Variants in ZNF398 observed in about 807,000 individuals in gnomAD.
The protein encoded by ZNF398 is zinc finger DNA binding protein ZER6.
Under a neutral mutation model 41.9 loss-of-function variants are expected in ZNF398, and 18 were observed. That is an observed-to-expected ratio of 0.43 (90% CI 0.30 to 0.64). The LOEUF (loss-of-function observed/expected upper bound fraction) is 0.64. Among genes scored for constraint, ZNF398 ranks in the 30% least tolerant of loss-of-function variants. ZNF398 has a pLI of 0.14. For synonymous variants in ZNF398, 260 were observed against 308.8 expected, an observed-to-expected ratio of 0.84 and a Z score of 1.66; for missense variants, 669 against 822.8, an observed-to-expected ratio of 0.81 and a Z score of 2.29.
Position 149,157,836 on chromosome 7 carries a change from C to CAAAA in ZNF398, c.420+3513_420+3516dup, listed in dbSNP as rs67225033. Among the ~76,000 whole-genome samples the CAAAA allele has an allele frequency of 5.9e-4, 35 of 59,684 alleles. 1 individual carries two copies. The highest frequency in any genetic ancestry group is 0.011 in the Middle Eastern group (1 of 92). 39.2% of individuals were successfully genotyped at this position (59,684 alleles called of 152,430 possible). On this transcript the variant is annotated intron_variant, in intron 2 of 5. Coordinates refer to ENST00000475153, the MANE Select transcript of ZNF398 (RefSeq NM_170686.3). The stretch of plus-strand genomic sequence containing the variant: ...CTGGCGACAGAGTAAGACTCTGTCT[C>CAAAA]AAAAAAAAAAAAAAAAAAAAGAGTC...
intron 1 of ZNF398, among the ~76,000 whole-genome samples, chr7:149,150,491 C>T (rs527615386): frequency 1.3e-5 from 2 of 151,914 alleles, no homozygotes; most frequent in African/African-American, 2.4e-5. Context: ...CCCGGCTACT[C>T]GGGAGGCTGA....
Position 149,171,723 on chromosome 7 carries a change from A to C in ZNF398, c.662-4745A>C, listed in dbSNP as rs1585537491. On this transcript the variant is annotated intron_variant, in intron 4 of 5. Coordinates refer to ENST00000475153, the MANE Select transcript of ZNF398 (RefSeq NM_170686.3). ...AATCTTGCTCTGTAGCCCAGGCTGG[A>C]GTGCAGTGGTGTGATCTTGGCTCAC... Among the ~76,000 whole-genome samples the C allele has an allele frequency of 2.0e-5, 3 of 152,078 alleles. No homozygotes were observed. The South Asian group carries it at 6.2e-4, about 32-fold the overall frequency.
In ZNF398 at chr7:149,183,024, T is replaced by TAAAAA. The variant is rs1204360454; in HGVS notation, c.*3237_*3241dup. Among the ~76,000 whole-genome samples the TAAAAA allele has an allele frequency of 3.2e-5, 4 of 125,412 alleles. No homozygotes were observed. The highest frequency in any genetic ancestry group is 1.2e-4 in the African/African-American group (4 of 32,900). The allele number at this position is 125,412 out of a possible 152,430, so 82.3% of individuals were successfully genotyped here. A position where few individuals can be genotyped will look rare whatever the true frequency, so the allele number is the denominator to read the frequency against. Reference sequence around the variant, plus strand: ...CAGTCCACACAAGCCTCGTTGATATTAAAAAAAAAAAAAAAAAAGGACCTC... The same window carrying TAAAAA: ...CAGTCCACACAAGCCTCGTTGATATTAAAAAAAAAAAAAAAAAAAAAAAGGACCTC... On this transcript the variant is annotated 3_prime_UTR_variant, in exon 6 of 6. Coordinates refer to ENST00000475153, the MANE Select transcript of ZNF398 (RefSeq NM_170686.3).
chr7:149,151,210 C>A, intron 1 of ZNF398: 2 of 1,202,212 alleles, frequency 1.7e-6, no homozygotes, highest in Admixed American at 3.1e-5. Flanking sequence ...CCTCTAGGCA[C>A]GCTTACTAAT....
chr7:149,170,266 A>G (rs1795307054), intron 4 of ZNF398, among the ~76,000 whole-genome samples: 1 of 152,200 alleles, frequency 6.6e-6, no homozygotes, highest in African/African-American at 2.4e-5. Context: ...AACTCACACA[A>G]ACTAGATGAT....
intron 4 of ZNF398, among the ~76,000 whole-genome samples, chr7:149,168,118 G>A (rs1043947367): frequency 4.0e-5 from 6 of 151,822 alleles, no homozygotes; most frequent in Non-Finnish European, 5.9e-5. Context: ...TCACTCTGTC[G>A]CCCAGGCTGG....
chr7:149,158,758 C>G (rs1356833243), intron 2 of ZNF398, among the ~76,000 whole-genome samples: 1 of 150,208 alleles, frequency 6.7e-6, no homozygotes, highest in Admixed American at 6.7e-5. Flanking sequence ...TGCTTGAACC[C>G]AGGAGGCAGA....
rs1268620933 is a variant in ZNF398, at chr7:149,179,978, C to A, written c.*177C>A. On this transcript the variant is annotated 3_prime_UTR_variant, in exon 6 of 6. Coordinates refer to ENST00000475153, the MANE Select transcript of ZNF398 (RefSeq NM_170686.3). The surrounding 1 kb of genome is among the most constrained non-coding windows in gnomAD (Gnocchi z 6.1). ...TGTGTTTTGGAATTTCACACCCTTA[C>A]AAGAATACCACATTTTGAAACCCAG... 10 of 558,546 alleles carry A rather than the reference C, an allele frequency of 1.8e-5. No homozygotes were observed. Among genetic ancestry groups the A allele is most frequent in the South Asian group, 3.8e-5 (1 of 26,214 alleles). The allele number at this position is 558,546 out of a possible 1,614,324, so 34.6% of individuals were successfully genotyped here.
rs1198931940 is a variant in ZNF398 at position 149,182,674 on chromosome 7, C to T, written c.*2873C>T. ...TAAGCACCATTCCCTTAGAGTGGAT[C>T]CAGGTGTTGACTATAACCAGATTTA... On this transcript the variant is annotated 3_prime_UTR_variant, in exon 6 of 6. Coordinates refer to ENST00000475153, the MANE Select transcript of ZNF398 (RefSeq NM_170686.3). 6.6e-6 allele frequency: 1 copy of T among 152,190 alleles called. No homozygotes were observed. Among genetic ancestry groups the T allele is most frequent in the Non-Finnish European group, 1.5e-5 (1 of 68,038 alleles). 9.4% of individuals were successfully genotyped at this position (152,190 alleles called of 1,614,324 possible).
chr7:149,153,590 C>G (rs1302763059), intron 1 of ZNF398, among the ~76,000 whole-genome samples: 2 of 152,172 alleles, frequency 1.3e-5, no homozygotes, highest in African/African-American at 4.8e-5. Context: ...TATCAGAGGG[C>G]ACTAGGTTCA....
chr7:149,179,543 C>T lies in ZNF398; in HGVS notation c.1671C>T (p.His557=), dbSNP rs976180835. 1 of 1,614,128 alleles carries T rather than the reference C, an allele frequency of 6.2e-7. No homozygotes were observed. The highest frequency in any genetic ancestry group is 1.3e-5 in the African/African-American group (1 of 74,946). ...TCCGCAAGCACCACCTAATGAAACA[C>T]CAGCGCATCCACACCGGGGAGCGGC... is the stretch of plus-strand genomic sequence containing the variant. ...SFIRKHHLMK[H]QRIHTGERPY... The change falls in exon 6 of 6, where the codon CAC becomes CAT. Residue 557 remains histidine, a synonymous_variant. Transcript: ENST00000475153. This position sits in a 1 kb window ranked among gnomAD's most constrained non-coding sequence, Gnocchi z 6.1.
chr7:149,151,398 G>A (rs1366609621), intron 1 of ZNF398: 14 of 336,394 alleles, frequency 4.2e-5, no homozygotes, highest in South Asian at 5.1e-5. Context: ...AAAGGACTAG[G>A]TGAAATGAGA....
rs765790767 is a variant in ZNF398, at chr7:149,182,079, C to CA, written c.*2281dup. On this transcript the variant is annotated 3_prime_UTR_variant, in exon 6 of 6. Coordinates refer to ENST00000475153, the MANE Select transcript of ZNF398 (RefSeq NM_170686.3). The stretch of plus-strand genomic sequence containing the variant: ...GTAACACTTTAAATACTTTTTTACT[C>CA]AAAGATTTGCCAAGAACACAGCTTA... The CA allele has an allele frequency of 3.9e-5, 6 of 152,110 alleles. No homozygotes were observed. The highest frequency in any genetic ancestry group is 5.9e-5 in the Non-Finnish European group (4 of 68,020). The allele number at this position is 152,110 out of a possible 1,614,324, so 9.4% of individuals were successfully genotyped here. A position where few individuals can be genotyped will look rare whatever the true frequency, so the allele number is the denominator to read the frequency against.
At chr7:149,152,779 G>A (rs1794878572) in intron 1 of ZNF398, among the ~76,000 whole-genome samples, 1 of 151,682 alleles carries the variant, frequency 6.6e-6, no homozygotes, top group Non-Finnish European at 1.5e-5. Context: ...TGGTCAGGCA[G>A]GTCTCGAACT....
intron 1 of ZNF398, among the ~76,000 whole-genome samples, chr7:149,152,564 T>A (rs62505077): frequency 0.54 from 80,047 of 149,278 alleles, 24,915 homozygotes; most frequent in East Asian, 0.9. Flanking sequence ...TGGCCTAGAT[T>A]TCTTTTTTTT....
chr7:149,141,930 TATC>T (rs1826835005), intron 2 of ZNF398, among the ~76,000 whole-genome samples: 1 of 152,116 alleles, frequency 6.6e-6, no homozygotes, highest in African/African-American at 2.4e-5. Context: ...TAAGACAAGT[TATC>T]ATAGGTTGGC....
In ZNF398 at chr7:149,166,241, C is replaced by T; in HGVS notation, c.504C>T (p.Tyr168=). The T allele has an allele frequency of 6.2e-7, 1 of 1,614,034 alleles. No individual in the cohort carries two copies. The highest frequency in any genetic ancestry group is 8.5e-7 in the Non-Finnish European group (1 of 1,179,996). The change falls in exon 3 of 6, where the codon TAC becomes TAT. Residue 168 remains tyrosine (Y), a synonymous_variant. Transcript: ENST00000475153. The stretch of plus-strand genomic sequence containing the variant: ...TAGAAGAATGGCAAAAGGAACTTTA[C>T]AAGAATATCATGAAGGGCAACTACG... ...EKLEEWQKEL[Y]KNIMKGNYES...
At chr7:149,155,708 T>TATATATA (rs1320419899) in intron 2 of ZNF398, among the ~76,000 whole-genome samples, 48 of 11,418 alleles carry the variant, frequency 4.2e-3, no homozygotes, top group Non-Finnish European at 9.8e-3. Context: ...TATATATATA[T>TATATATA]TTTTTTTTTT....
At chr7:149,148,311 C>A in intron 1 of ZNF398, 1 of 362,138 alleles carries the variant, frequency 2.8e-6, no homozygotes, top group Non-Finnish European at 3.8e-6. Context: ...GGAGTGGCCT[C>A]GCGTGCGTGG....
Sources: gnomAD v4.1 joint callset for allele counts (sites outside exome capture counted in the v4.1 genomes callset) on GRCh38, gnomAD v4.1.1 for gene constraint, Gnocchi (gnomAD v3.1) non-coding constraint, MANE v1.5 for transcripts, NCBI Gene and HGNC (gene_info 2026-07-23, HGNC 2026-07-21) for gene names.